Variants in EPHA5 observed in about 807,000 individuals in gnomAD.
EPHA5 encodes EPH receptor A5.
In EPHA5, 60 loss-of-function variants were observed where a neutral mutation model predicts 105.0. The observed-to-expected ratio is 0.57, with a 90% CI of 0.46 to 0.71. The LOEUF is 0.71. EPHA5 is among the 30% of genes least tolerant of loss of function. The pLI is 0.00. For missense variants in EPHA5, 1,218 were observed against 1,274.7 expected (o/e 0.96, Z 0.68); for synonymous variants, 513 against 449.1 (o/e 1.14, Z -1.80).
chr4:65,515,286 T>A (rs965658980), intron 3 of EPHA5, among the ~76,000 whole-genome samples: 3 of 152,182 alleles, frequency 2.0e-5, no homozygotes, highest in African/African-American at 7.2e-5. Flanking sequence ...ATTGTTGTTT[T>A]CTTTTTTAAA....
chr4:65,468,568 A>T (rs1335069147), intron 5 of EPHA5, among the ~76,000 whole-genome samples: 20 of 19,834 alleles, frequency 1.0e-3, no homozygotes, highest in African/African-American at 2.3e-3. Context: ...ATTATATATT[A>T]TATATATATA....
At chr4:65,421,913 T>C (rs1723982528) in intron 5 of EPHA5, among the ~76,000 whole-genome samples, 1 of 152,262 alleles carries the variant, frequency 6.6e-6, no homozygotes, top group East Asian at 1.9e-4. Context: ...TAGGTGCACA[T>C]ACTAGGATAA....
At chr4:65,635,625 TC>T (rs1747051641) in intron 2 of EPHA5, among the ~76,000 whole-genome samples, 1 of 152,124 alleles carries the variant, frequency 6.6e-6, no homozygotes. Flanking sequence ...TAGTGGAATT[TC>T]TAAGACATGA....
chr4:65,475,279 C>T (rs974804314), intron 5 of EPHA5, among the ~76,000 whole-genome samples: 4 of 152,028 alleles, frequency 2.6e-5, no homozygotes, highest in Non-Finnish European at 4.4e-5. Context: ...TTGAGTATAA[C>T]GAATGCAGAA....
At chr4:65,403,572 A>G (rs1356373096) in intron 8 of EPHA5, among the ~76,000 whole-genome samples, 2 of 150,322 alleles carry the variant, frequency 1.3e-5, no homozygotes, top group Non-Finnish European at 2.9e-5. Flanking sequence ...GGAAAACAGC[A>G]TACTCTTGTT....
At chr4:65,387,933 C>T (rs1434759075) in intron 8 of EPHA5, among the ~76,000 whole-genome samples, 3 of 137,884 alleles carry the variant, frequency 2.2e-5, no homozygotes, top group Non-Finnish European at 4.6e-5. Context: ...TGTCATTTAG[C>T]ATTAGGTATA....
At chr4:65,462,408 G>A (rs1323553166) in intron 5 of EPHA5, among the ~76,000 whole-genome samples, 1 of 152,136 alleles carries the variant, frequency 6.6e-6, no homozygotes, top group Non-Finnish European at 1.5e-5. Context: ...CAAATTTGAT[G>A]ACAGAAAAAC....
chr4:65,480,313 T>C (rs961740882), intron 5 of EPHA5, among the ~76,000 whole-genome samples: 1 of 152,178 alleles, frequency 6.6e-6, no homozygotes, highest in African/African-American at 2.4e-5. Context: ...ATTTTTTGAA[T>C]GGCAATTTAT....
At chr4:65,611,811 C>G (rs761676159) in intron 2 of EPHA5, among the ~76,000 whole-genome samples, 12 of 151,554 alleles carry the variant, frequency 7.9e-5, no homozygotes, top group Non-Finnish European at 1.3e-4. Flanking sequence ...CACATTAGGG[C>G]TGTTAGCTTT....
intron 7 of EPHA5, among the ~76,000 whole-genome samples, chr4:65,413,900 G>A (rs1268451692): frequency 6.6e-6 from 1 of 152,104 alleles, no homozygotes; most frequent in Non-Finnish European, 1.5e-5. Flanking sequence ...CACTGCTAAA[G>A]AAAGCTCCCT....
At chr4:65,533,169 C>T (rs969689828) in intron 3 of EPHA5, among the ~76,000 whole-genome samples, 1 of 152,118 alleles carries the variant, frequency 6.6e-6, no homozygotes, top group African/African-American at 2.4e-5. Flanking sequence ...GTAAACCTAA[C>T]TAAGATAAGA....
intron 3 of EPHA5, among the ~76,000 whole-genome samples, chr4:65,526,321 A>ATATT (rs1269315412): frequency 2.0e-5 from 3 of 151,892 alleles, no homozygotes; most frequent in Non-Finnish European, 2.9e-5. Context: ...AACCACAAAT[A>ATATT]GTTCAAGGTC....
chr4:65,627,422 G>T (rs1192003913), intron 2 of EPHA5, among the ~76,000 whole-genome samples: 1 of 152,118 alleles, frequency 6.6e-6, no homozygotes, highest in African/African-American at 2.4e-5. Flanking sequence ...CTCAACTTGA[G>T]TATAGAACCC....
chr4:65,517,401 A>G (rs924845753), intron 3 of EPHA5, among the ~76,000 whole-genome samples: 2 of 151,846 alleles, frequency 1.3e-5, no homozygotes, highest in African/African-American at 2.4e-5. Flanking sequence ...GTAATAATTT[A>G]TTCAGAATAT....
intron 3 of EPHA5, among the ~76,000 whole-genome samples, chr4:65,599,333 ATGG>A (rs1288268426): frequency 7.6e-6 from 1 of 131,982 alleles, no homozygotes; most frequent in East Asian, 2.6e-4. Flanking sequence ...AGCTAGAGTC[ATGG>A]TGGCATTTTA....
chr4:65,389,241 A>T (rs1190874591), intron 8 of EPHA5, among the ~76,000 whole-genome samples: 1 of 152,112 alleles, frequency 6.6e-6, no homozygotes, highest in Non-Finnish European at 1.5e-5. Flanking sequence ...ATCCTTAAAA[A>T]TATAGCATTG....
At chr4:65,620,009 T>A (rs1226130898) in intron 2 of EPHA5, among the ~76,000 whole-genome samples, 1 of 150,418 alleles carries the variant, frequency 6.6e-6, no homozygotes, top group Non-Finnish European at 1.5e-5. Context: ...ACTAGTTTAA[T>A]CATCAATAGT....
intron 5 of EPHA5, among the ~76,000 whole-genome samples, chr4:65,424,820 A>G (rs551532876): frequency 5.9e-5 from 9 of 152,186 alleles, no homozygotes; most frequent in African/African-American, 2.2e-4. Flanking sequence ...AATTTTATTA[A>G]TTAAAATGTT....
At chr4:65,377,085 C>A (rs1056451306) in intron 8 of EPHA5, 5 of 1,603,016 alleles carry the variant, frequency 3.1e-6, no homozygotes, top group Non-Finnish European at 4.3e-6. Flanking sequence ...ACAAGAGAGC[C>A]CAAGATAAGG....
Sources: gnomAD v4.1 joint callset for allele counts (sites outside exome capture counted in the v4.1 genomes callset) on GRCh38, gnomAD v4.1.1 for gene constraint, MANE v1.5 for transcripts, NCBI Gene and HGNC (gene_info 2026-07-23, HGNC 2026-07-21) for gene names.